Variants in PTPRD observed in about 807,000 individuals in gnomAD.
The protein encoded by PTPRD is receptor-type tyrosine-protein phosphatase delta.
Under a neutral mutation model 214.5 loss-of-function variants are expected in PTPRD, and 34 were observed. That is an observed-to-expected ratio of 0.16 (90% CI 0.12 to 0.21). The LOEUF (loss-of-function observed/expected upper bound fraction) is 0.21, where lower values mean the gene tolerates loss of function less well. Ranked by LOEUF, PTPRD falls within the 10% of genes least tolerant of loss-of-function variation. The pLI is 1.00. For missense variants in PTPRD, 2,545 were observed against 2,398.7 expected, an observed-to-expected ratio of 1.06 and a Z score of -1.27; for synonymous variants, 1,128 against 845.7, an observed-to-expected ratio of 1.33 and a Z score of -5.79.
At chr9:8,552,465 G>A (rs2082393925) in intron 14 of PTPRD, among the ~76,000 whole-genome samples, 1 of 152,136 alleles carries the variant, frequency 6.6e-6, no homozygotes, top group African/African-American at 2.4e-5. Context: ...GAGGTGCATG[G>A]AAAGAGGACA....
rs76454520 is a variant in PTPRD at position 8,487,003 on chromosome 9, A to C, written c.2468-654T>G. ...ATGTTGCTTAAAAGTTTAAAAAAAAACCAAACTACAAAATAATATCGTATT... is the reference window on the plus strand; with the variant it reads ...ATGTTGCTTAAAAGTTTAAAAAAAACCCAAACTACAAAATAATATCGTATT... On this transcript the variant is annotated intron_variant, in intron 27 of 45. Coordinates refer to ENST00000381196, the MANE Select transcript of PTPRD (RefSeq NM_002839.4). 1.4e-3 allele frequency among the ~76,000 whole-genome samples: 212 copies of C among 152,226 alleles called. 4 individuals carry two copies. In the East Asian group the frequency reaches 0.039, roughly 28 times the overall value.
At chr9:9,713,538 G>A (rs1934271) in intron 7 of PTPRD, among the ~76,000 whole-genome samples, 1 of 151,984 alleles carries the variant, frequency 6.6e-6, no homozygotes, top group African/African-American at 2.4e-5. Context: ...AGGGTTCAAA[G>A]CATAAATGAA....
chr9:9,642,035 A>T (rs1043484491), intron 7 of PTPRD, among the ~76,000 whole-genome samples: 3 of 147,894 alleles, frequency 2.0e-5, no homozygotes, highest in Admixed American at 6.6e-5. Context: ...ACAATGATAG[A>T]CTGGATTAAG....
At chr9:8,438,188 A>G (rs1354693356) in intron 34 of PTPRD, among the ~76,000 whole-genome samples, 1 of 152,214 alleles carries the variant, frequency 6.6e-6, no homozygotes, top group African/African-American at 2.4e-5. Context: ...TTTAGGAATT[A>G]TACCATTGTT....
intron 11 of PTPRD, among the ~76,000 whole-genome samples, chr9:8,982,625 A>T (rs2154341253): frequency 6.6e-6 from 1 of 151,954 alleles, no homozygotes; most frequent in African/African-American, 2.4e-5. Flanking sequence ...ATCATCTTAT[A>T]AATTTGTTTT....
rs553262235 is a variant in PTPRD, at chr9:9,968,022, T to C, written c.-471-29412A>G. On this transcript the variant is annotated intron_variant, in intron 4 of 45. Coordinates refer to ENST00000381196, the MANE Select transcript of PTPRD (RefSeq NM_002839.4). ...AACTATTCAGATCAGAAGACAGTGA[T>C]AAAAATGTTCTCTCACGCATATCAT... Among the ~76,000 whole-genome samples, 57 of 152,316 alleles carry C rather than the reference T, an allele frequency of 3.7e-4. No individual in the cohort carries two copies. In the South Asian group the frequency reaches 5.8e-3, roughly 15 times the overall value.
At chr9:9,835,458 T>C (rs750028495) in intron 5 of PTPRD, among the ~76,000 whole-genome samples, 7 of 152,140 alleles carry the variant, frequency 4.6e-5, no homozygotes, top group Non-Finnish European at 7.4e-5. Flanking sequence ...ATTAAGAAGA[T>C]ACAGTGATGT....
chr9:10,015,167 G>T (rs1180633361), intron 4 of PTPRD, among the ~76,000 whole-genome samples: 3 of 152,010 alleles, frequency 2.0e-5, no homozygotes, highest in African/African-American at 7.2e-5. Flanking sequence ...TAATGGCTTG[G>T]GAAATGATTA....
intron 2 of PTPRD, among the ~76,000 whole-genome samples, chr9:10,538,134 C>T (rs1049616584): frequency 6.6e-6 from 1 of 151,934 alleles, no homozygotes; most frequent in African/African-American, 2.4e-5. Flanking sequence ...CAGTGCCTAT[C>T]CCTATCCAAT....
chr9:9,443,259 A>G (rs1214823974), intron 8 of PTPRD, among the ~76,000 whole-genome samples: 1 of 152,126 alleles, frequency 6.6e-6, no homozygotes, highest in East Asian at 1.9e-4. Context: ...AAATAAATAA[A>G]TAACAGCATG....
At chr9:8,465,233 A>G (rs1297529434) in intron 32 of PTPRD, among the ~76,000 whole-genome samples, 1 of 151,934 alleles carries the variant, frequency 6.6e-6, no homozygotes, top group Non-Finnish European at 1.5e-5. Context: ...CTGGAACTTC[A>G]TAAACTAGAG....
chr9:9,738,444 T>C (rs2098339776), intron 6 of PTPRD, among the ~76,000 whole-genome samples: 1 of 134,242 alleles, frequency 7.4e-6, no homozygotes, highest in East Asian at 2.0e-4. Context: ...ACTCACTTTT[T>C]TTTTTTTTTT....
intron 7 of PTPRD, among the ~76,000 whole-genome samples, chr9:9,585,757 T>C (rs2091829048): frequency 6.6e-6 from 1 of 152,030 alleles, no homozygotes; most frequent in African/African-American, 2.4e-5. Flanking sequence ...GTACTATTTA[T>C]TTGCAGTTGG....
At chr9:8,382,633 A>C (rs2085474269) in intron 37 of PTPRD, among the ~76,000 whole-genome samples, 1 of 152,134 alleles carries the variant, frequency 6.6e-6, no homozygotes, top group Non-Finnish European at 1.5e-5. Context: ...ACAAGAGAAA[A>C]CCAAAAGTGT....
At chr9:9,843,488 T>A (rs1484699543) in intron 5 of PTPRD, among the ~76,000 whole-genome samples, 3 of 151,802 alleles carry the variant, frequency 2.0e-5, no homozygotes, top group African/African-American at 7.2e-5. Context: ...ATAAGAAAAT[T>A]AAAATAAATA....
intron 34 of PTPRD, among the ~76,000 whole-genome samples, chr9:8,438,102 C>T (rs536417327): frequency 3.9e-5 from 6 of 152,294 alleles, no homozygotes; most frequent in African/African-American, 1.4e-4. Context: ...ATTCTGCTGT[C>T]ACTGTGGCTC....
At chr9:9,349,372 G>A (rs1428732263) in intron 9 of PTPRD, among the ~76,000 whole-genome samples, 1 of 151,952 alleles carries the variant, frequency 6.6e-6, no homozygotes, top group East Asian at 1.9e-4. Context: ...CTTGCACAGG[G>A]ACCATAAACT....
At chr9:8,549,284 A>C (rs181560850) in intron 14 of PTPRD, among the ~76,000 whole-genome samples, 7 of 152,188 alleles carry the variant, frequency 4.6e-5, no homozygotes, top group Admixed American at 4.6e-4. Flanking sequence ...AGTCAGTGTC[A>C]AGTTTCTAGC....
At chr9:8,342,820 A>T (rs1380190531) in intron 39 of PTPRD, among the ~76,000 whole-genome samples, 2 of 152,164 alleles carry the variant, frequency 1.3e-5, no homozygotes, top group African/African-American at 4.8e-5. Context: ...TCGAAGGGAC[A>T]TAATACTTTA....
Sources: gnomAD v4.1 joint callset for allele counts (sites outside exome capture counted in the v4.1 genomes callset) on GRCh38, gnomAD v4.1.1 for gene constraint, MANE v1.5 for transcripts, NCBI Gene and HGNC (gene_info 2026-07-23, HGNC 2026-07-21) for gene names.